Variants in MGAM2 observed in about 807,000 individuals in gnomAD.
MGAM2 encodes probable maltase-glucoamylase 2.
A neutral mutation model predicts 96.1 loss-of-function variants in MGAM2; 98 were observed. The observed-to-expected ratio is 1.02, with a 90% CI of 0.87 to 1.21. MGAM2 has a LOEUF of 1.21. Among genes scored for constraint, MGAM2 ranks in the 50% most tolerant of loss-of-function variants. The pLI is 0.00. For missense variants in MGAM2, 2,055 were observed against 1,182.4 expected, an observed-to-expected ratio of 1.74 and a Z score of -10.82; for synonymous variants, 749 against 414.8, an observed-to-expected ratio of 1.81 and a Z score of -9.79.
intron 45 of MGAM2, among the ~76,000 whole-genome samples, chr7:142,202,405 T>C (rs1797266812): frequency 6.6e-6 from 1 of 152,170 alleles, no homozygotes; most frequent in Admixed American, 6.5e-5. Context: ...GGGGTATGGA[T>C]CCCGTCACCC....
intron 34 of MGAM2, 42 bp from the exon 35 acceptor site, chr7:142,185,947 A>G: frequency 1.4e-6 from 1 of 699,830 alleles, no homozygotes; most frequent in East Asian, 2.7e-5. Context: ...TCTCCTGTAT[A>G]GGCTGAGACC....
intron 46 of MGAM2, 32 bp downstream of exon 46, chr7:142,208,654 T>C: frequency 1.4e-6 from 1 of 700,886 alleles, no homozygotes. Flanking sequence ...TTACAAATCT[T>C]TTCCCAGGTG....
chr7:142,215,551 G>A (rs187400254), intron 46 of MGAM2, among the ~76,000 whole-genome samples: 10 of 151,754 alleles, frequency 6.6e-5, no homozygotes, highest in African/African-American at 2.2e-4. Flanking sequence ...ACCTGAGGTC[G>A]GGAGTTTGAG....
intron 47 of MGAM2, 138 bp downstream of exon 47, chr7:142,218,669 A>G (rs1221937781): frequency 1.7e-6 from 1 of 577,032 alleles, no homozygotes; most frequent in East Asian, 2.8e-5. Flanking sequence ...CGTGCAATAG[A>G]TATGTTCCTG....
intron 2 of MGAM2, among the ~76,000 whole-genome samples, chr7:142,119,310 C>A (rs1257021589): frequency 6.6e-6 from 1 of 151,942 alleles, no homozygotes; most frequent in Non-Finnish European, 1.5e-5. Context: ...GCCACTAAAC[C>A]CATGAAAGTA....
intron 26 of MGAM2, among the ~76,000 whole-genome samples, chr7:142,167,882 T>G (rs1330290335): frequency 6.6e-6 from 1 of 152,092 alleles, no homozygotes; most frequent in Non-Finnish European, 1.5e-5. Context: ...GAAACAGCTT[T>G]TCATCCAAAT....
At chr7:142,124,764 A>G (rs1014139125) in intron 3 of MGAM2, among the ~76,000 whole-genome samples, 2 of 152,090 alleles carry the variant, frequency 1.3e-5, no homozygotes, top group East Asian at 1.9e-4. Context: ...AATTTTTGAT[A>G]TAGAGCTTTT....
intron 28 of MGAM2, 139 bp from the exon 29 acceptor site, chr7:142,171,959 G>A (rs947743789): frequency 5.1e-6 from 2 of 391,024 alleles, no homozygotes; most frequent in Admixed American, 6.9e-5. Context: ...TGGAGTAGAA[G>A]GGAGAGTCAA....
At chr7:142,164,791 G>T in intron 23 of MGAM2, 65 bp from the exon 24 acceptor site, 1 of 594,670 alleles carries the variant, frequency 1.7e-6, no homozygotes, top group South Asian at 2.2e-5. Flanking sequence ...ACATTGACTG[G>T]TATTTGGGGA....
At chr7:142,135,515 G>A (rs1795031103) in intron 7 of MGAM2, among the ~76,000 whole-genome samples, 1 of 151,452 alleles carries the variant, frequency 6.6e-6, no homozygotes, top group African/African-American at 2.4e-5. Flanking sequence ...AGTTTTCCTG[G>A]CTATAATTTT....
intron 21 of MGAM2, 131 bp from the exon 22 acceptor site, chr7:142,160,994 C>T (rs905805334): frequency 7.2e-6 from 4 of 557,676 alleles, no homozygotes; most frequent in African/African-American, 3.7e-5. Context: ...CATGTGTCCA[C>T]CCAATATCAA....
chr7:142,205,616 G>C (rs1027698623), intron 45 of MGAM2, among the ~76,000 whole-genome samples: 9 of 152,166 alleles, frequency 5.9e-5, no homozygotes, highest in African/African-American at 2.2e-4. Context: ...ATTTTCTTCA[G>C]AGAAATGATT....
intron 14 of MGAM2, 91 bp downstream of exon 14, chr7:142,145,036 T>C: frequency 1.5e-6 from 1 of 655,896 alleles, no homozygotes; most frequent in Non-Finnish European, 2.8e-6. Context: ...CAATTTCACT[T>C]CCTAGTCCAA....
intron 2 of MGAM2, among the ~76,000 whole-genome samples, chr7:142,119,824 C>A (rs1270578794): frequency 1.3e-5 from 2 of 152,084 alleles, no homozygotes; most frequent in African/African-American, 2.4e-5. Context: ...TTTTATGATT[C>A]TTTTTATAGG....
chr7:142,217,477 C>G (rs1255917506), intron 46 of MGAM2, among the ~76,000 whole-genome samples: 1 of 152,112 alleles, frequency 6.6e-6, no homozygotes, highest in Non-Finnish European at 1.5e-5. Flanking sequence ...TATAAGAATA[C>G]TTATGATATA....
intron 46 of MGAM2, among the ~76,000 whole-genome samples, chr7:142,217,973 G>A (rs1797815454): frequency 6.6e-6 from 1 of 152,000 alleles, no homozygotes; most frequent in Non-Finnish European, 1.5e-5. Flanking sequence ...AGTCCCAGCT[G>A]CTTAGGAGGC....
rs571941455 is a variant in MGAM2, at chr7:142,146,387, T to A, written c.1517-1069T>A. 4.6e-5 allele frequency among the ~76,000 whole-genome samples: 7 copies of A among 152,270 alleles called. No individual in the cohort carries two copies. In the South Asian group the frequency reaches 8.3e-4, roughly 18 times the overall value. Reference sequence around the variant, plus strand: ...GTGAATCTCATGCCACACACCAAGCTGTGCAAGAAATAGAATTTTCTTCCC... The same window carrying A: ...GTGAATCTCATGCCACACACCAAGCAGTGCAAGAAATAGAATTTTCTTCCC... On this transcript the variant is annotated intron_variant, in intron 14 of 47. Transcript: ENST00000477922.
intron 3 of MGAM2, among the ~76,000 whole-genome samples, chr7:142,123,814 T>C (rs527320546): frequency 2.6e-4 from 39 of 152,268 alleles, no homozygotes; most frequent in African/African-American, 8.7e-4. Context: ...TCATTTCATA[T>C]TCTATTTAGT....
intron 1 of MGAM2, among the ~76,000 whole-genome samples, chr7:142,113,157 G>A (rs1256017248): frequency 1.3e-5 from 2 of 152,228 alleles, no homozygotes; most frequent in African/African-American, 2.4e-5. Flanking sequence ...AGGGAGGCAG[G>A]GAAATGAAAA....
Sources: gnomAD v4.1 joint callset for allele counts (sites outside exome capture counted in the v4.1 genomes callset) on GRCh38, gnomAD v4.1.1 for gene constraint, MANE v1.5 for transcripts, NCBI Gene and HGNC (gene_info 2026-07-23, HGNC 2026-07-21) for gene names.